Variants in NKAIN2 observed in about 807,000 individuals in gnomAD.
NKAIN2 encodes sodium/potassium-transporting ATPase subunit beta-1-interacting protein 2.
A neutral mutation model predicts 32.6 loss-of-function variants in NKAIN2; 14 were observed. That is an observed-to-expected ratio of 0.43 (90% CI 0.28 to 0.67). NKAIN2 has a LOEUF of 0.67. NKAIN2 is among the 30% of genes least tolerant of loss of function. The pLI, the probability that NKAIN2 is intolerant of heterozygous loss-of-function variation, is 0.17. For synonymous variants in NKAIN2, 80 were observed against 87.2 expected (o/e 0.92, Z 0.46); for missense variants, 198 against 258.3 (o/e 0.77, Z 1.60).
chr6:124,686,950 G>T (rs944899651), intron 4 of NKAIN2, among the ~76,000 whole-genome samples: 1 of 151,976 alleles, frequency 6.6e-6, no homozygotes, highest in South Asian at 2.1e-4. Flanking sequence ...ACATGAAAAG[G>T]TGAGATAGGC....
intron 1 of NKAIN2, among the ~76,000 whole-genome samples, chr6:123,855,189 A>C (rs1775509498): frequency 6.6e-6 from 1 of 152,220 alleles, no homozygotes. Flanking sequence ...AATTTATCGC[A>C]TTTATGAATT....
chr6:124,641,655 G>A (rs961227730), intron 3 of NKAIN2, among the ~76,000 whole-genome samples: 10 of 143,916 alleles, frequency 6.9e-5, no homozygotes, highest in Non-Finnish European at 1.4e-4. Flanking sequence ...GGGCTAAAGC[G>A]ATTCTCCTGC....
rs550636491 is a variant in NKAIN2, at chr6:124,514,218, C to T, written c.274-143968C>T. ...ACAGTTCTTTCAAAGTAGTTATTCT[C>T]GACCTGGGCCACTGTTGGAGGTTTT... On this transcript the variant is annotated intron_variant, in intron 3 of 6. Coordinates refer to ENST00000368417, the MANE Select transcript of NKAIN2 (RefSeq NM_001040214.3). 3.3e-5 allele frequency among the ~76,000 whole-genome samples: 5 copies of T among 152,210 alleles called. No homozygotes were observed. In the South Asian group the frequency reaches 6.2e-4, roughly 19 times the overall value.
intron 3 of NKAIN2, among the ~76,000 whole-genome samples, chr6:124,358,861 G>A (rs1252166604): frequency 6.6e-6 from 1 of 151,362 alleles, no homozygotes; most frequent in African/African-American, 2.4e-5. Flanking sequence ...CCTATGTCCT[G>A]AATGGTATTG....
At chr6:124,014,864 A>C (rs1049846972) in intron 1 of NKAIN2, among the ~76,000 whole-genome samples, 2 of 152,128 alleles carry the variant, frequency 1.3e-5, no homozygotes, top group African/African-American at 4.8e-5. Flanking sequence ...CATATTATTC[A>C]CCATGTGAAC....
intron 5 of NKAIN2, among the ~76,000 whole-genome samples, chr6:124,815,233 T>TATATATATAC (rs1413890750): frequency 4.1e-5 from 6 of 144,990 alleles, no homozygotes; most frequent in Non-Finnish European, 7.5e-5. Flanking sequence ...TACATATATA[T>TATATATATAC]ATATATATGT....
chr6:124,752,914 G>C (rs1266696360), intron 4 of NKAIN2, among the ~76,000 whole-genome samples: 1 of 151,962 alleles, frequency 6.6e-6, no homozygotes, highest in Non-Finnish European at 1.5e-5. Context: ...ATCAACAAAA[G>C]GAACAAAAGA....
At chr6:124,716,063 AG>A (rs1228438031) in intron 4 of NKAIN2, among the ~76,000 whole-genome samples, 1 of 152,218 alleles carries the variant, frequency 6.6e-6, no homozygotes, top group Non-Finnish European at 1.5e-5. Context: ...AGAGATTTAA[AG>A]TCTATTGGCA....
chr6:124,789,009 C>T (rs1779627572), intron 4 of NKAIN2, among the ~76,000 whole-genome samples: 1 of 152,016 alleles, frequency 6.6e-6, no homozygotes, highest in Admixed American at 6.6e-5. Flanking sequence ...GCTTTTGTAA[C>T]AAAATGCAGC....
intron 1 of NKAIN2, among the ~76,000 whole-genome samples, chr6:124,251,306 C>T (rs916247807): frequency 6.6e-6 from 1 of 151,924 alleles, no homozygotes; most frequent in African/African-American, 2.4e-5. Context: ...TGGAAAAATA[C>T]ATACCATGTA....
At chr6:124,477,736 C>G (rs1180357267) in intron 3 of NKAIN2, among the ~76,000 whole-genome samples, 65 of 63,154 alleles carry the variant, frequency 1.0e-3, no homozygotes, top group African/African-American at 3.2e-3. Context: ...CCCCCTCCCT[C>G]TCCTTCCCCC....
chr6:124,081,937 C>T (rs1474733329), intron 1 of NKAIN2, among the ~76,000 whole-genome samples: 1 of 152,006 alleles, frequency 6.6e-6, no homozygotes, highest in African/African-American at 2.4e-5. Flanking sequence ...TCTTGCTGAG[C>T]TTTATTAAGA....
intron 1 of NKAIN2, among the ~76,000 whole-genome samples, chr6:123,957,345 C>A (rs2114602258): frequency 6.6e-6 from 1 of 152,258 alleles, no homozygotes; most frequent in South Asian, 2.1e-4. Context: ...ACTAAAGTGA[C>A]TTCCTTAGCA....
Position 124,692,177 on chromosome 6 carries a change from C to T in NKAIN2, c.474+33791C>T, listed in dbSNP as rs564996538. Among the ~76,000 whole-genome samples the T allele has an allele frequency of 1.2e-4, 18 of 152,252 alleles. 1 individual carries two copies. In the South Asian group the frequency reaches 3.5e-3, roughly 30 times the overall value. ...ATTAGAACTCATAAGCTGTAATTCACAATGCATCAGAAAAGAAATATTCCA... is the reference window on the plus strand; with the variant it reads ...ATTAGAACTCATAAGCTGTAATTCATAATGCATCAGAAAAGAAATATTCCA... On this transcript the variant is annotated intron_variant, in intron 4 of 6. Coordinates refer to ENST00000368417, the MANE Select transcript of NKAIN2 (RefSeq NM_001040214.3).
intron 1 of NKAIN2, among the ~76,000 whole-genome samples, chr6:124,105,616 A>G (rs927454656): frequency 6.6e-6 from 1 of 152,204 alleles, no homozygotes; most frequent in African/African-American, 2.4e-5. Context: ...ATTGATTTTT[A>G]TAAAAAGATG....
intron 3 of NKAIN2, among the ~76,000 whole-genome samples, chr6:124,448,108 G>T (rs969381066): frequency 6.6e-6 from 1 of 151,956 alleles, no homozygotes; most frequent in Non-Finnish European, 1.5e-5. Flanking sequence ...ACTAAATGGC[G>T]CTATGCATAT....
intron 4 of NKAIN2, among the ~76,000 whole-genome samples, chr6:124,776,107 G>A (rs1778973698): frequency 6.6e-6 from 1 of 152,192 alleles, no homozygotes; most frequent in African/African-American, 2.4e-5. Context: ...TGGATTGGAG[G>A]AGTTTTTGTT....
At chr6:124,550,571 T>C (rs1780251360) in intron 3 of NKAIN2, among the ~76,000 whole-genome samples, 1 of 152,144 alleles carries the variant, frequency 6.6e-6, no homozygotes, top group Non-Finnish European at 1.5e-5. Flanking sequence ...ACTAGGGCAG[T>C]GTCAGTGCTT....
intron 2 of NKAIN2, among the ~76,000 whole-genome samples, chr6:124,318,511 C>G (rs1405685131): frequency 6.6e-6 from 1 of 151,850 alleles, no homozygotes; most frequent in African/African-American, 2.4e-5. Context: ...GTTAATTGCC[C>G]TGGAAAAATA....
Sources: allele counts gnomAD v4.1 joint callset (sites outside exome capture counted in the v4.1 genomes callset), GRCh38; gene constraint gnomAD v4.1.1; transcripts MANE v1.5; gene names NCBI Gene and HGNC (gene_info 2026-07-23, HGNC 2026-07-21).